Variants in OGDH observed in about 807,000 individuals in gnomAD.
The protein encoded by OGDH is 2-oxoglutarate dehydrogenase complex component E1.
OGDH carries 38 observed loss-of-function variants against 116.6 expected under a neutral mutation model. The observed-to-expected ratio is 0.33, with a 90% CI of 0.25 to 0.43. The LOEUF (loss-of-function observed/expected upper bound fraction) is 0.43. Among genes scored for constraint, OGDH ranks in the 20% least tolerant of loss-of-function variants. The pLI, the probability that OGDH is intolerant of heterozygous loss-of-function variation, is 1.00. For missense variants in OGDH, 825 were observed against 1,357.2 expected, an observed-to-expected ratio of 0.61 and a Z score of 6.16; for synonymous variants, 488 against 533.3, an observed-to-expected ratio of 0.92 and a Z score of 1.17.
chr7:44,695,376 A>G (rs1291837631), intron 12 of OGDH, among the ~76,000 whole-genome samples: 1 of 152,108 alleles, frequency 6.6e-6, no homozygotes, highest in Non-Finnish European at 1.5e-5. Flanking sequence ...GATTATAGGC[A>G]TGAGCCACTG....
At chr7:44,687,496 G>A (rs903928485) in intron 10 of OGDH, among the ~76,000 whole-genome samples, 4 of 151,630 alleles carry the variant, frequency 2.6e-5, no homozygotes, top group African/African-American at 9.7e-5. Context: ...ACTCACTGCA[G>A]CCTCCACCTC....
At chr7:44,608,807 A>G (rs1218346811) in intron 1 of OGDH, among the ~76,000 whole-genome samples, 1 of 152,212 alleles carries the variant, frequency 6.6e-6, no homozygotes, top group Non-Finnish European at 1.5e-5. Flanking sequence ...AATTATTGAG[A>G]AATTCATTTT....
intron 1 of OGDH, among the ~76,000 whole-genome samples, chr7:44,615,486 T>A (rs1399558221): frequency 2.0e-5 from 3 of 152,146 alleles, no homozygotes; most frequent in Non-Finnish European, 4.4e-5. Flanking sequence ...ATTCACCAGG[T>A]GGGGATGAAA....
intron 9 of OGDH, 42 bp from the exon 10 acceptor site, chr7:44,681,678 A>G (rs370659200): frequency 3.1e-6 from 5 of 1,591,012 alleles, no homozygotes; most frequent in Admixed American, 3.5e-5. Flanking sequence ...GGACTTGGCA[A>G]TCAGAACATT....
chr7:44,689,150 G>T (rs1257051648), intron 10 of OGDH, among the ~76,000 whole-genome samples: 1 of 150,376 alleles, frequency 6.6e-6, no homozygotes, highest in Non-Finnish European at 1.5e-5. Flanking sequence ...GGAAATCTCA[G>T]ACTGTTTCAA....
chr7:44,676,193 C>T (rs779168015), intron 9 of OGDH, 44 bp downstream of exon 9: 1 of 1,613,822 alleles, frequency 6.2e-7, no homozygotes, highest in African/African-American at 1.3e-5. Flanking sequence ...GTCAAGGCCC[C>T]ATGTTCCAGC....
intron 5 of OGDH, among the ~76,000 whole-genome samples, chr7:44,671,554 G>C (rs1349826767): frequency 1.3e-5 from 2 of 151,624 alleles, no homozygotes; most frequent in Non-Finnish European, 2.9e-5. Context: ...ACGAGGTCAG[G>C]AGATCGAGAC....
At position 44,666,727 on chromosome 7, in the gene OGDH, G is replaced by C. The variant is rs760356991; in HGVS notation, c.518-9G>C. 9 of 1,579,098 alleles carry C rather than the reference G, an allele frequency of 5.7e-6. No homozygotes were observed. The South Asian group carries it at 9.0e-5, about 16-fold the overall frequency. On this transcript the variant is annotated splice_polypyrimidine_tract_variant and intron_variant, in intron 4 of 22. Coordinates refer to ENST00000222673, the MANE Select transcript of OGDH (RefSeq NM_002541.4). The stretch of plus-strand genomic sequence containing the variant: ...TCATCTGGCTTGTCCTGCCCACATC[G>C]CCCTGCAGGGTTCTATGGCCTGGAT...
intron 4 of OGDH, 148 bp downstream of exon 4, chr7:44,647,907 AGT>A: frequency 1.7e-6 from 1 of 598,542 alleles, no homozygotes; most frequent in South Asian, 2.2e-5. Context: ...TTGTAGCCTT[AGT>A]GTGTTTTGGG....
intron 4 of OGDH, among the ~76,000 whole-genome samples, chr7:44,660,485 G>A (rs1316915031): frequency 6.6e-6 from 1 of 152,112 alleles, no homozygotes; most frequent in African/African-American, 2.4e-5. Context: ...CATTGTGGTT[G>A]GAGAATGCAC....
At chr7:44,649,324 A>G (rs1352088804) in intron 4 of OGDH, among the ~76,000 whole-genome samples, 4 of 136,266 alleles carry the variant, frequency 2.9e-5, no homozygotes, top group African/African-American at 5.7e-5. Flanking sequence ...ATCTCGGCTC[A>G]CTGCAACCTC....
chr7:44,672,694 G>A (rs191918454), intron 5 of OGDH, among the ~76,000 whole-genome samples: 85 of 149,234 alleles, frequency 5.7e-4, no homozygotes, highest in African/African-American at 1.9e-3. Context: ...CCAGGCTGGA[G>A]TGCAGTGGCA....
intron 20 of OGDH, among the ~76,000 whole-genome samples, chr7:44,702,026 A>ACG (rs1375008119): frequency 6.6e-6 from 1 of 150,950 alleles, no homozygotes; most frequent in Non-Finnish European, 1.5e-5. Context: ...AGCTGCTATC[A>ACG]CGCCATTGCA....
chr7:44,688,362 C>T (rs1467045814), intron 10 of OGDH, among the ~76,000 whole-genome samples: 1 of 151,360 alleles, frequency 6.6e-6, no homozygotes, highest in Non-Finnish European at 1.5e-5. Flanking sequence ...CAGAGCAAGA[C>T]TCTGTCTCAA....
intron 4 of OGDH, among the ~76,000 whole-genome samples, chr7:44,653,118 G>A (rs1321838575): frequency 1.3e-5 from 2 of 151,988 alleles, no homozygotes; most frequent in African/African-American, 2.4e-5. Context: ...TTTTGAGACA[G>A]AGTCTTACTC....
At chr7:44,613,827 A>T (rs1180912334) in intron 1 of OGDH, among the ~76,000 whole-genome samples, 3 of 124,352 alleles carry the variant, frequency 2.4e-5, no homozygotes, top group African/African-American at 3.3e-5. Flanking sequence ...TTTTTTGAAG[A>T]TGGCATTTTG....
At chr7:44,608,720 C>CAA (rs1000828162) in intron 1 of OGDH, among the ~76,000 whole-genome samples, 11 of 139,934 alleles carry the variant, frequency 7.9e-5, no homozygotes, top group Non-Finnish European at 1.7e-4. Context: ...GACTCCATCT[C>CAA]AAAAAAAAAA....
chr7:44,619,116 G>T (rs186225383), intron 1 of OGDH, among the ~76,000 whole-genome samples: 1 of 152,164 alleles, frequency 6.6e-6, no homozygotes, highest in African/African-American at 2.4e-5. Context: ...GGAGGGTATG[G>T]AAGCCTCCTT....
intron 2 of OGDH, among the ~76,000 whole-genome samples, chr7:44,626,312 CACACACACACACACACACACCCCT>C (rs1447311741): frequency 7.4e-6 from 1 of 134,516 alleles, no homozygotes; most frequent in Non-Finnish European, 1.6e-5. Flanking sequence ...CCCCTACACA[CACACACACACACACACACACCCCT>C]ACACACACAC....
Sources: allele counts gnomAD v4.1 joint callset (sites outside exome capture counted in the v4.1 genomes callset), GRCh38; gene constraint gnomAD v4.1.1; transcripts MANE v1.5; gene names NCBI Gene and HGNC (gene_info 2026-07-23, HGNC 2026-07-21).